TP53BP2: variants seen among roughly 807,000 people sequenced by gnomAD.
The protein encoded by TP53BP2 is tumor protein p53 binding protein 2, also known as apoptosis-stimulating of p53 protein 2.
In TP53BP2, 62 loss-of-function variants were observed where a neutral mutation model predicts 126.2. That is an observed-to-expected ratio of 0.49 (90% CI 0.40 to 0.61). The LOEUF (loss-of-function observed/expected upper bound fraction) is 0.61. Among genes scored for constraint, TP53BP2 ranks in the 20% least tolerant of loss-of-function variants. The pLI is 0.00. For missense variants in TP53BP2, 1,215 were observed against 1,402.8 expected (o/e 0.87, Z 2.14); for synonymous variants, 485 against 502.9 (o/e 0.96, Z 0.48).
chr1:223,837,170 G>A (rs1177976709), intron 1 of TP53BP2, among the ~76,000 whole-genome samples: 1 of 138,374 alleles, frequency 7.2e-6, no homozygotes, highest in Non-Finnish European at 1.6e-5. Context: ...GGGGGCGGGG[G>A]GTCAAGGAAC....
chr1:223,780,992 G>T, intron 17 of TP53BP2, 98 bp from the exon 18 acceptor site: 2 of 1,177,870 alleles, frequency 1.7e-6, no homozygotes, highest in Non-Finnish European at 1.2e-6. Flanking sequence ...GATGTCATGG[G>T]AAGGAAATCA....
At chr1:223,798,055 G>A (rs913388936) in intron 12 of TP53BP2, among the ~76,000 whole-genome samples, 160 bp downstream of exon 12, 1 of 152,064 alleles carries the variant, frequency 6.6e-6, no homozygotes, top group Non-Finnish European at 1.5e-5. Flanking sequence ...CAGACATTTA[G>A]CAAGCACTCT....
At chr1:223,784,412 T>C in intron 16 of TP53BP2, 98 bp from the exon 17 acceptor site, 8 of 1,115,136 alleles carry the variant, frequency 7.2e-6, no homozygotes, top group Non-Finnish European at 1.1e-5. Flanking sequence ...AAGAAACAGG[T>C]ACAGGCTGGA....
chr1:223,822,060 C>A (rs887937995), intron 1 of TP53BP2, among the ~76,000 whole-genome samples: 1 of 151,824 alleles, frequency 6.6e-6, no homozygotes, highest in South Asian at 2.1e-4. Context: ...CACCACACCA[C>A]GCCATGCCAC....
chr1:223,842,132 G>T (rs1664121572), intron 1 of TP53BP2, among the ~76,000 whole-genome samples: 1 of 152,038 alleles, frequency 6.6e-6, no homozygotes, highest in Non-Finnish European at 1.5e-5. Context: ...TAGAGATGGG[G>T]TTTCACCATG....
chr1:223,789,158 C>T lies in TP53BP2; in HGVS notation c.3013G>A (p.Ala1005Thr). 1 of 1,614,152 alleles carries T rather than the reference C, an allele frequency of 6.2e-7. No homozygotes were observed. The highest frequency in any genetic ancestry group is 8.5e-7 in the Non-Finnish European group (1 of 1,180,014). Residue 1005 changes from alanine (A) to threonine (T), a missense_variant, in exon 16 of 18, where the codon GCT becomes ACT. Physicochemically the swap from Ala to Thr is moderately conservative, Grantham distance 58. Around this residue, in one of 4 missense-constraint regions of TP53BP2, gnomAD observed 151 missense variants for 231.2 expected, o/e 0.65. Transcript: ENST00000343537. The stretch of plus-strand genomic sequence containing the variant: ...ACTTGGACGTTGTTACATGAGGCAG[C>T]ACAATGTAATGGAGTCCTGTGAAGC... ...DSDGWTPLHCAASCNNVQVCK... is the reference protein window; with the variant it reads ...DSDGWTPLHCTASCNNVQVCK...
At chr1:223,840,294 C>T (rs771775843) in intron 1 of TP53BP2, among the ~76,000 whole-genome samples, 10 of 152,214 alleles carry the variant, frequency 6.6e-5, no homozygotes, top group Non-Finnish European at 1.2e-4. Flanking sequence ...TGCAATATAA[C>T]TATACATTTC....
At chr1:223,786,699 G>A (rs567368725) in intron 16 of TP53BP2, among the ~76,000 whole-genome samples, 28 of 151,322 alleles carry the variant, frequency 1.9e-4, no homozygotes, top group East Asian at 9.8e-4. Flanking sequence ...TTCCTCCTCC[G>A]GGGTTCACGC....
chr1:223,803,560 T>A, intron 6 of TP53BP2, 108 bp from the exon 7 acceptor site: 1 of 1,077,960 alleles, frequency 9.3e-7, no homozygotes, highest in Non-Finnish European at 1.3e-6. Flanking sequence ...AGTAGAAAAA[T>A]TTTTCAGAAT....
chr1:223,786,421 T>A (rs1661955198), intron 16 of TP53BP2, among the ~76,000 whole-genome samples: 1 of 152,198 alleles, frequency 6.6e-6, no homozygotes, highest in South Asian at 2.1e-4. Context: ...CACATCCTGG[T>A]ATCTATGATA....
intron 4 of TP53BP2, among the ~76,000 whole-genome samples, chr1:223,807,895 A>AC (rs1662777607): frequency 2.0e-5 from 3 of 152,178 alleles, no homozygotes; most frequent in Admixed American, 2.0e-4. Context: ...CTCAACTGAA[A>AC]CCCAAACAGG....
At chr1:223,802,396 A>C in intron 8 of TP53BP2, 52 bp from the exon 9 acceptor site, 5 of 1,515,096 alleles carry the variant, frequency 3.3e-6, no homozygotes, top group Non-Finnish European at 4.5e-6. Context: ...TCAGGTGATC[A>C]GACTTAGAAA....
intron 3 of TP53BP2, among the ~76,000 whole-genome samples, chr1:223,813,975 G>T (rs1343731154): frequency 6.6e-6 from 1 of 151,990 alleles, no homozygotes; most frequent in African/African-American, 2.4e-5. Context: ...TCTGCCTCAG[G>T]GCTGTGGAAG....
chr1:223,831,277 C>T (rs1004525311), intron 1 of TP53BP2, among the ~76,000 whole-genome samples: 13 of 146,614 alleles, frequency 8.9e-5, no homozygotes, highest in African/African-American at 2.8e-4. Flanking sequence ...ACCTGTAGTC[C>T]GTCCTAGCTA....
At chr1:223,810,592 G>A (rs1278197523) in intron 3 of TP53BP2, 79 bp from the exon 4 acceptor site, 1 of 957,568 alleles carries the variant, frequency 1.0e-6, no homozygotes, top group East Asian at 2.6e-5. Flanking sequence ...TCTGAGTTCT[G>A]TCATTACTGT....
At chr1:223,816,724 G>A (rs1663098454) in intron 2 of TP53BP2, among the ~76,000 whole-genome samples, 1 of 152,096 alleles carries the variant, frequency 6.6e-6, no homozygotes, top group Admixed American at 6.6e-5. Flanking sequence ...TTTGCAGAAG[G>A]AAATCTGACA....
chr1:223,795,729 A>G, intron 13 of TP53BP2, 86 bp downstream of exon 13: 1 of 1,287,394 alleles, frequency 7.8e-7, no homozygotes, highest in Non-Finnish European at 1.0e-6. Flanking sequence ...TAAAAATGCA[A>G]ACTGGAGAAG....
intron 1 of TP53BP2, chr1:223,834,719 A>T: frequency 1.6e-6 from 1 of 611,514 alleles, no homozygotes; most frequent in Non-Finnish European, 2.0e-6. Context: ...TCCCCAGAGT[A>T]GCTCACCTGA....
rs561834121 is a variant in TP53BP2, at chr1:223,843,404, C to G, written c.27+2250G>C. ...CAGGAGGGTCTCAATCTCTTGACCT[C>G]GTGATCCGCCCGCCTCGACCTCCCA... On this transcript the variant is annotated intron_variant, in intron 1 of 17. Coordinates refer to ENST00000343537, the MANE Select transcript of TP53BP2 (RefSeq NM_001031685.3). Among the ~76,000 whole-genome samples, 86 of 152,220 alleles carry G rather than the reference C, an allele frequency of 5.6e-4. 1 individual carries two copies. The highest frequency in any genetic ancestry group is 2.0e-3 in the African/African-American group (82 of 41,552).
Sources: allele counts gnomAD v4.1 joint callset (sites outside exome capture counted in the v4.1 genomes callset), GRCh38; gene constraint gnomAD v4.1.1; regional missense constraint gnomAD v4.1.1; transcripts MANE v1.5; gene names NCBI Gene and HGNC (gene_info 2026-07-23, HGNC 2026-07-21).